The following BUB1 variants were observed in gnomAD, a reference collection of about 807,000 sequenced individuals.
BUB1 encodes the protein mitotic checkpoint serine/threonine-protein kinase BUB1.
Under a neutral mutation model 135.2 loss-of-function variants are expected in BUB1, and 84 were observed. The observed-to-expected ratio is 0.62, with a 90% CI of 0.52 to 0.74. BUB1 has a LOEUF of 0.74. BUB1 is among the 30% of genes least tolerant of loss of function. BUB1 has a pLI of 0.00. For synonymous variants in BUB1, 403 were observed against 434.4 expected (o/e 0.93, Z 0.90); for missense variants, 1,162 against 1,288.3 (o/e 0.90, Z 1.50).
rs185857787 is a variant in BUB1, at chr2:110,661,495, A to C, written c.1217+87T>G. The C allele has an allele frequency of 5.5e-6, 8 of 1,462,592 alleles. No homozygotes were observed. In the East Asian group the frequency reaches 1.1e-4, roughly 21 times the overall value. 90.6% of individuals were successfully genotyped at this position (1,462,592 alleles called of 1,614,324 possible). A position where few individuals can be genotyped will look rare whatever the true frequency, so the allele number is the denominator to read the frequency against. On this transcript the variant is annotated intron_variant, in intron 10 of 24. Transcript: ENST00000302759. Reference sequence around the variant, plus strand: ...AAGGCAGACATCATTCATCTTTTACATACTGTTCCTGATAATGCAGGTCAT... The same window carrying C: ...AAGGCAGACATCATTCATCTTTTACCTACTGTTCCTGATAATGCAGGTCAT...
chr2:110,672,837 G>A lies in BUB1; in HGVS notation c.246C>T (p.Leu82=), dbSNP rs751808971. 4.4e-6 allele frequency: 7 copies of A among 1,609,148 alleles called. No individual in the cohort carries two copies. The South Asian group carries it at 6.7e-5, about 15-fold the overall frequency. ...TGTACAGAAACTCAAAAAATTGATG[G>A]AGGTCACTGTTGTACTCAGCCTACA... ...CLKFAEYNSD[L]HQFFEFLYNH... Residue 82 remains leucine, a synonymous_variant, in exon 4 of 25, where the codon CTC becomes CTT. Coordinates refer to ENST00000302759, the MANE Select transcript of BUB1 (RefSeq NM_004336.5).
intron 24 of BUB1, among the ~76,000 whole-genome samples, chr2:110,638,870 A>T (rs1258886523): frequency 1.3e-5 from 2 of 152,214 alleles, no homozygotes; most frequent in African/African-American, 4.8e-5. Flanking sequence ...CCAGGGCCTG[A>T]ACCTAACCTT....
chr2:110,658,994 G>A (rs754348769), intron 11 of BUB1, among the ~76,000 whole-genome samples: 2 of 152,152 alleles, frequency 1.3e-5, no homozygotes, highest in African/African-American at 2.4e-5. Flanking sequence ...TGGTTGGTCT[G>A]GATTATACCA....
chr2:110,660,055 G>C lies in BUB1; in HGVS notation c.1218-19C>G. 6.2e-7 allele frequency: 1 copy of C among 1,600,806 alleles called. No individual in the cohort carries two copies. The highest frequency in any genetic ancestry group is 8.6e-7 in the Non-Finnish European group (1 of 1,169,214). On this transcript the variant is annotated intron_variant, in intron 10 of 24. Coordinates refer to ENST00000302759, the MANE Select transcript of BUB1 (RefSeq NM_004336.5). ...CACACATCTGGAAGAGAAAACTCTTGAGACACACTAGAGAATAAAATGCTT... is the reference window on the plus strand; with the variant it reads ...CACACATCTGGAAGAGAAAACTCTTCAGACACACTAGAGAATAAAATGCTT...
At chr2:110,672,525 T>C (rs1039730677) in intron 4 of BUB1, 136 bp downstream of exon 4, 1 of 832,462 alleles carries the variant, frequency 1.2e-6, no homozygotes, top group Non-Finnish European at 1.7e-6. Flanking sequence ...TTTTTTTCTT[T>C]ACACTATCCT....
In BUB1 at chr2:110,649,393, A is replaced by G. The variant is rs764166467; in HGVS notation, c.2204-16T>C. 28 of 1,199,738 alleles carry G rather than the reference A, an allele frequency of 2.3e-5. No individual in the cohort carries two copies. The highest frequency in any genetic ancestry group is 9.6e-5 in the African/African-American group (6 of 62,476). The allele number at this position is 1,199,738 out of a possible 1,614,324, so 74.3% of individuals were successfully genotyped here. A position where few individuals can be genotyped will look rare whatever the true frequency, so the allele number is the denominator to read the frequency against. On this transcript the variant is annotated splice_polypyrimidine_tract_variant and intron_variant, in intron 18 of 24. Transcript: ENST00000302759. Reference sequence around the variant, plus strand: ...ACAATGAAGTCTTAAAGGAATGAGAAAAAAAAAAAAAAAGGGAACATGAAT... The same window carrying G: ...ACAATGAAGTCTTAAAGGAATGAGAGAAAAAAAAAAAAAGGGAACATGAAT...
chr2:110,675,215 TAAAC>T (rs895852530), intron 1 of BUB1: 1 of 152,204 alleles, frequency 6.6e-6, no homozygotes, highest in African/African-American at 2.4e-5. Flanking sequence ...CTAGAAGGGC[TAAAC>T]AAAAAGAAAC....
intron 24 of BUB1, among the ~76,000 whole-genome samples, chr2:110,639,231 A>AT (rs1295642294): frequency 2.0e-5 from 3 of 152,096 alleles, no homozygotes; most frequent in Admixed American, 6.5e-5. Flanking sequence ...TGATTTATAG[A>AT]TAAAAAAAAA....
At chr2:110,665,402 A>AC (rs1039867060) in intron 9 of BUB1, among the ~76,000 whole-genome samples, 6 of 152,048 alleles carry the variant, frequency 3.9e-5, no homozygotes, top group East Asian at 1.9e-4. Context: ...ACATGGCGAG[A>AC]CCCCATCTCT....
chr2:110,645,509 T>C (rs191524226), intron 19 of BUB1, among the ~76,000 whole-genome samples: 4 of 150,650 alleles, frequency 2.7e-5, no homozygotes, highest in Admixed American at 2.6e-4. Flanking sequence ...GAAAATGTAA[T>C]AATAGCTATA....
intron 9 of BUB1, chr2:110,662,119 G>A (rs542428785): frequency 4.1e-4 from 141 of 343,114 alleles, no homozygotes; most frequent in African/African-American, 2.9e-3. Flanking sequence ...AGTTGTATCA[G>A]CATTTAAGTA....
At position 110,661,667 on chromosome 2, in the gene BUB1, T is replaced by C. The variant is rs752483610; in HGVS notation, c.1132A>G (p.Thr378Ala). 9 of 1,614,184 alleles carry C rather than the reference T, an allele frequency of 5.6e-6. No individual in the cohort carries two copies. In the South Asian group the frequency reaches 9.9e-5, roughly 18 times the overall value. The stretch of plus-strand genomic sequence containing the variant: ...ACAGGAGGAGCAATGCTCTGGCTGG[T>C]GGCTGGGGACACCAAAGCTGCAGAA... The part of the protein sequence containing the change: ...AISAALVSPA[T>A]SQSIAPPVPL... The change falls in exon 10 of 25, where the codon ACC (threonine) becomes GCC (alanine). Residue 378 changes from threonine (T) to alanine (A), a missense_variant. By Grantham distance (58) the Thr-to-Ala change is moderately conservative. Coordinates refer to ENST00000302759, the MANE Select transcript of BUB1 (RefSeq NM_004336.5).
intron 19 of BUB1, among the ~76,000 whole-genome samples, chr2:110,647,890 G>A (rs1032306355): frequency 3.9e-5 from 6 of 152,148 alleles, no homozygotes; most frequent in African/African-American, 1.2e-4. Context: ...AACCCAAAAC[G>A]CTGACAACCA....
chr2:110,653,337 T>G, intron 17 of BUB1, 99 bp downstream of exon 17: 1 of 1,232,406 alleles, frequency 8.1e-7, no homozygotes, highest in Non-Finnish European at 1.2e-6. Flanking sequence ...AAATTAGGTA[T>G]TCTATTACAG....
chr2:110,641,498 T>A, intron 21 of BUB1, 34 bp from the exon 22 acceptor site: 1 of 1,578,920 alleles, frequency 6.3e-7, no homozygotes, highest in Non-Finnish European at 8.6e-7. Context: ...CCTGAGTTAG[T>A]TGCACAAGAT....
intron 19 of BUB1, among the ~76,000 whole-genome samples, chr2:110,644,218 CT>C (rs1380459407): frequency 6.6e-6 from 1 of 151,920 alleles, no homozygotes; most frequent in Non-Finnish European, 1.5e-5. Context: ...GGTGCAGCGG[CT>C]CACACCTGTA....
At chr2:110,671,565 G>A (rs1408388799) in intron 4 of BUB1, among the ~76,000 whole-genome samples, 2 of 152,194 alleles carry the variant, frequency 1.3e-5, no homozygotes, top group Non-Finnish European at 2.9e-5. Flanking sequence ...CTACTAATGA[G>A]AGGGGAAGAG....
Position 110,658,759 on chromosome 2 carries a change from G to C in BUB1, c.1277-17C>G. The C allele has an allele frequency of 1.2e-6, 2 of 1,613,790 alleles. No homozygotes were observed. Among genetic ancestry groups the C allele is most frequent in the African/African-American group, 1.3e-5 (1 of 75,024 alleles). On this transcript the variant is annotated splice_polypyrimidine_tract_variant and intron_variant, in intron 11 of 24. Transcript: ENST00000302759. ...TTTCACACCCTAGCAAAGAAATGGA[G>C]ACAAAATGTGGTATCAGTAGGGAAA...
chr2:110,674,274 G>A, intron 2 of BUB1, 32 bp downstream of exon 2: 1 of 1,613,246 alleles, frequency 6.2e-7, no homozygotes, highest in Non-Finnish European at 8.5e-7. Flanking sequence ...TGTATAGTTT[G>A]TTTAAGGGAA....
Sources: allele counts gnomAD v4.1 joint callset (sites outside exome capture counted in the v4.1 genomes callset), GRCh38; gene constraint gnomAD v4.1.1; transcripts MANE v1.5; gene names NCBI Gene and HGNC (gene_info 2026-07-23, HGNC 2026-07-21).